EIF4ENIF1: variants seen among roughly 807,000 people sequenced by gnomAD.
The protein encoded by EIF4ENIF1 is eukaryotic translation initiation factor 4E transporter.
In EIF4ENIF1, 23 loss-of-function variants were observed where a neutral mutation model predicts 110.5. The ratio of observed to expected loss-of-function variants is 0.21; its 90% CI spans 0.15 to 0.29. EIF4ENIF1 has a LOEUF of 0.29. EIF4ENIF1 is among the 10% of genes least tolerant of loss of function. The pLI is 1.00. For synonymous variants in EIF4ENIF1, 440 were observed against 437.0 expected (o/e 1.01, Z -0.09); for missense variants, 1,031 against 1,221.1 (o/e 0.84, Z 2.32).
At chr22:31,490,541 A>C (rs750847968), upstream of EIF4ENIF1, among the ~76,000 whole-genome samples, 13 of 152,188 alleles carry the variant, frequency 8.5e-5, no homozygotes, top group African/African-American at 2.9e-4. Flanking sequence ...GCGACTAACA[A>C]ATTCATTGAA....
chr22:31,468,401 T>C (rs2051260785), intron 3 of EIF4ENIF1, 99 bp from the exon 4 acceptor site: 2 of 1,534,552 alleles, frequency 1.3e-6, no homozygotes, highest in Non-Finnish European at 1.8e-6. Flanking sequence ...GGAAACCCAT[T>C]TCTCCTTTTT....
At chr22:31,443,509 A>G (rs1351233763) in intron 15 of EIF4ENIF1, 1 of 164,812 alleles carries the variant, frequency 6.1e-6, no homozygotes, top group African/African-American at 2.4e-5. Context: ...AATTTATCTC[A>G]ATAGTCTCCT....
At chr22:31,469,610 A>C (rs1474559654) in intron 3 of EIF4ENIF1, among the ~76,000 whole-genome samples, 2 of 152,180 alleles carry the variant, frequency 1.3e-5, no homozygotes, top group African/African-American at 2.4e-5. Flanking sequence ...AGGAAATGAG[A>C]AGCTCTCTCC....
At chr22:31,458,898 T>A (rs1427020278) in intron 6 of EIF4ENIF1, among the ~76,000 whole-genome samples, 2 of 151,520 alleles carry the variant, frequency 1.3e-5, no homozygotes, top group East Asian at 3.9e-4. Context: ...TCGTGGGAAC[T>A]TCATATTTTC....
downstream of EIF4ENIF1, chr22:31,437,435 T>G (rs947243817): frequency 2.7e-5 from 4 of 148,962 alleles, no homozygotes; most frequent in African/African-American, 5.0e-5. Context: ...TGCATTAATG[T>G]GTCTTTTGCC....
chr22:31,441,943 G>C lies in EIF4ENIF1; in HGVS notation c.2382C>G (p.Thr794=). Reference sequence around the variant, plus strand: ...GTGTTGTAGGAACTGGGGATGCCAAGGTGGGTGTTTTTCTCCCAGTTGCTT... The same window carrying C: ...GTGTTGTAGGAACTGGGGATGCCAACGTGGGTGTTTTTCTCCCAGTTGCTT... ...RPKATGRKTP[T]LASPVPTTPF... Residue 794 remains threonine (T), a synonymous_variant, in exon 17 of 19, where the codon ACC becomes ACG. Transcript: ENST00000330125. The C allele has an allele frequency of 6.2e-7, 1 of 1,614,198 alleles. No individual in the cohort carries two copies. Among genetic ancestry groups the C allele is most frequent in the Non-Finnish European group, 8.5e-7 (1 of 1,180,044 alleles).
intron 7 of EIF4ENIF1, 55 bp downstream of exon 7, chr22:31,458,420 T>C (rs2050893008): frequency 1.4e-6 from 2 of 1,396,800 alleles, no homozygotes; most frequent in African/African-American, 3.2e-5. Context: ...ACCGATGTCT[T>C]AAATACTCAG....
chr22:31,464,721 TATATA>T lies in EIF4ENIF1; in HGVS notation c.299-759_299-755del, dbSNP rs1569088918. Among the ~76,000 whole-genome samples, 67 of 96,396 alleles carry T rather than the reference TATATA, an allele frequency of 7.0e-4. 3 individuals are homozygous for T. Among genetic ancestry groups the T allele is most frequent in the Middle Eastern group, 6.4e-3 (1 of 156 alleles). The allele number at this position is 96,396 out of a possible 152,430, so 63.2% of individuals were successfully genotyped here. On this transcript the variant is annotated intron_variant, in intron 4 of 18. Transcript: ENST00000330125. ...AAAAATATATATATATATATATATA[TATATA>T]AACAGATATATACAAAAATTAATTC... is the stretch of plus-strand genomic sequence containing the variant.
intron 4 of EIF4ENIF1, among the ~76,000 whole-genome samples, chr22:31,466,623 T>C (rs545516554): frequency 1.0e-3 from 93 of 90,964 alleles, no homozygotes; most frequent in African/African-American, 3.9e-3. Flanking sequence ...AGCGCTTGCT[T>C]GGGAAGGGGG....
intron 2 of EIF4ENIF1, among the ~76,000 whole-genome samples, chr22:31,474,946 T>C (rs1390325210): frequency 1.3e-5 from 2 of 152,182 alleles, no homozygotes; most frequent in African/African-American, 2.4e-5. Context: ...GATCACTGAT[T>C]CAACATCTTG....
At chr22:31,445,780 G>C (rs1054325104) in intron 14 of EIF4ENIF1, among the ~76,000 whole-genome samples, 3 of 152,086 alleles carry the variant, frequency 2.0e-5, no homozygotes, top group Non-Finnish European at 4.4e-5. Flanking sequence ...GCAAGGTAAG[G>C]GGAAAGGCAT....
intron 9 of EIF4ENIF1, 55 bp from the exon 10 acceptor site, chr22:31,454,431 T>A: frequency 2.1e-6 from 3 of 1,458,156 alleles, no homozygotes; most frequent in African/African-American, 2.8e-5. Context: ...CTGGTAGGAA[T>A]TCTCTTTGGC....
chr22:31,488,837 C>G, intron 1 of EIF4ENIF1, 92 bp from the exon 2 acceptor site: 1 of 1,399,818 alleles, frequency 7.1e-7, no homozygotes, highest in Non-Finnish European at 9.5e-7. Flanking sequence ...TTTTTAATCT[C>G]TCAAAACAGC....
chr22:31,473,789 T>C (rs1569098204), intron 2 of EIF4ENIF1, among the ~76,000 whole-genome samples: 1 of 152,232 alleles, frequency 6.6e-6, no homozygotes, highest in Non-Finnish European at 1.5e-5. Flanking sequence ...TTCTCTACTA[T>C]TTAGTTACTG....
At chr22:31,459,468 C>A (rs565621254) in intron 6 of EIF4ENIF1, among the ~76,000 whole-genome samples, 2 of 152,234 alleles carry the variant, frequency 1.3e-5, no homozygotes, top group African/African-American at 4.8e-5. Flanking sequence ...TCAAATGTGA[C>A]CTTCTCTGGG....
intron 9 of EIF4ENIF1, among the ~76,000 whole-genome samples, chr22:31,454,686 T>G (rs1369599873): frequency 6.6e-6 from 1 of 152,200 alleles, no homozygotes; most frequent in Non-Finnish European, 1.5e-5. Flanking sequence ...TCTGGGAGAC[T>G]TGTTACCTGG....
At chr22:31,493,124 C>T (rs568405270), upstream of EIF4ENIF1, among the ~76,000 whole-genome samples, 3 of 149,890 alleles carry the variant, frequency 2.0e-5, no homozygotes, top group East Asian at 4.0e-4. Flanking sequence ...AGCTCTGCCC[C>T]CTGGGTTCAG....
At chr22:31,440,994 G>T in intron 17 of EIF4ENIF1, 126 bp from the exon 18 acceptor site, 1 of 1,297,700 alleles carries the variant, frequency 7.7e-7, no homozygotes, top group Non-Finnish European at 1.1e-6. Context: ...AGTGGCTCAC[G>T]CCTGTAATCC....
chr22:31,440,810 C>T lies in EIF4ENIF1; in HGVS notation c.2610G>A (p.Leu870=), dbSNP rs1244789202. ...SHLQGISGPI[L]GQPFYPLPAA... is the part of the protein sequence containing the mutation. ...CAGGTAAAGGGTAAAAGGGCTGACCCAGGATGGGGCCAGATATTCCCTGTA... is the reference window on the plus strand; with the variant it reads ...CAGGTAAAGGGTAAAAGGGCTGACCTAGGATGGGGCCAGATATTCCCTGTA... Residue 870 remains leucine (L), a synonymous_variant, in exon 18 of 19, where the codon CTG becomes CTA. Coordinates refer to ENST00000330125, the MANE Select transcript of EIF4ENIF1 (RefSeq NM_019843.4). The T allele has an allele frequency of 6.2e-7, 1 of 1,613,950 alleles. No individual in the cohort carries two copies. The highest frequency in any genetic ancestry group is 2.2e-5 in the East Asian group (1 of 44,880).
Sources: allele counts gnomAD v4.1 joint callset (sites outside exome capture counted in the v4.1 genomes callset), GRCh38; gene constraint gnomAD v4.1.1; transcripts MANE v1.5; gene names NCBI Gene and HGNC (gene_info 2026-07-23, HGNC 2026-07-21).